Variants in ASNS observed in about 807,000 individuals in gnomAD.
The protein encoded by ASNS is asparagine synthetase (glutamine-hydrolyzing).
Under a neutral mutation model 62.6 loss-of-function variants are expected in ASNS, and 37 were observed. The observed-to-expected ratio is 0.59, with a 90% CI of 0.45 to 0.78. The LOEUF (loss-of-function observed/expected upper bound fraction) is 0.78. Ranked by LOEUF, ASNS falls within the 30% of genes least tolerant of loss-of-function variation. The pLI is 0.00. For synonymous variants in ASNS, 207 were observed against 237.9 expected, an observed-to-expected ratio of 0.87 and a Z score of 1.19; for missense variants, 520 against 682.4, an observed-to-expected ratio of 0.76 and a Z score of 2.65.
At chr7:97,870,353 TA>T in intron 1 of ASNS, 1 of 360,838 alleles carries the variant, frequency 2.8e-6, no homozygotes, top group African/African-American at 2.1e-5. Context: ...GTGTTTTTTT[TA>T]AAAAAACTGC....
intron 4 of ASNS, among the ~76,000 whole-genome samples, chr7:97,861,022 C>CTTT (rs1258360002): frequency 5.5e-5 from 4 of 73,246 alleles, no homozygotes; most frequent in African/African-American, 1.9e-4. Flanking sequence ...TTCATTTGAT[C>CTTT]CTTTTTTTTT....
chr7:97,904,512 C>A, the ASNS span, among the ~76,000 whole-genome samples: 1 of 151,980 alleles, frequency 6.6e-6, no homozygotes, highest in Non-Finnish European at 1.5e-5. Flanking sequence ...GGTTGCAATA[C>A]CTCGAGTATC....
the ASNS span, among the ~76,000 whole-genome samples, chr7:97,886,921 T>C: frequency 6.6e-6 from 1 of 152,208 alleles, no homozygotes; most frequent in Non-Finnish European, 1.5e-5. Context: ...AAAACAGCTC[T>C]AACAACTGAG....
chr7:97,899,897 C>T, the ASNS span, among the ~76,000 whole-genome samples: 1 of 152,124 alleles, frequency 6.6e-6, no homozygotes, highest in Non-Finnish European at 1.5e-5. Flanking sequence ...TTTGTGTGGA[C>T]CTGTGCTTTC....
intron 9 of ASNS, 109 bp from the exon 10 acceptor site, chr7:97,854,789 T>G: frequency 6.4e-7 from 1 of 1,555,710 alleles, no homozygotes; most frequent in Non-Finnish European, 8.7e-7. Flanking sequence ...TAAACAAATT[T>G]AGGGAAGGGA....
At chr7:97,889,838 A>G in the ASNS span, among the ~76,000 whole-genome samples, 1 of 151,456 alleles carries the variant, frequency 6.6e-6, no homozygotes, top group African/African-American at 2.4e-5. Context: ...GATCCAATGA[A>G]AAGAAAATCT....
intron 3 of ASNS, among the ~76,000 whole-genome samples, chr7:97,866,167 G>T (rs1291200842): frequency 6.6e-6 from 1 of 152,176 alleles, no homozygotes; most frequent in Non-Finnish European, 1.5e-5. Context: ...GATAGTATTG[G>T]CTAAGAAGTT....
At chr7:97,926,315 T>C in the ASNS span, among the ~76,000 whole-genome samples, 1 of 152,090 alleles carries the variant, frequency 6.6e-6, no homozygotes, top group Non-Finnish European at 1.5e-5. Flanking sequence ...CCATGCTGCT[T>C]CTTGCAGAGA....
the ASNS span, among the ~76,000 whole-genome samples, chr7:97,899,710 T>G: frequency 1.3e-5 from 2 of 152,238 alleles, no homozygotes; most frequent in African/African-American, 4.8e-5. Context: ...TTCATCTGTT[T>G]TGAAGGTTCA....
chr7:97,872,125 A>G (rs1228474507), intron 1 of ASNS: 3 of 152,260 alleles, frequency 2.0e-5, no homozygotes, highest in African/African-American at 7.2e-5. Flanking sequence ...GGGAACCAGG[A>G]CAGAAAGGTC....
rs1196312298 is a variant in ASNS, at chr7:97,864,470, G to A, written c.276C>T (p.Tyr92=). The A allele has an allele frequency of 2.9e-5, 46 of 1,613,646 alleles. No homozygotes were observed. Among genetic ancestry groups the A allele is most frequent in the Non-Finnish European group, 3.8e-5 (45 of 1,179,812 alleles). ...KKMQQHFEFE[Y]QTKVDGEIIL... ...TTATCTCACCATCCACTTTGGTCTGGTATTCAAATTCAAAATGCTGTTGCA... is the reference window on the plus strand; with the variant it reads ...TTATCTCACCATCCACTTTGGTCTGATATTCAAATTCAAAATGCTGTTGCA... The change falls in exon 4 of 13, where the codon TAC becomes TAT. Residue 92 remains tyrosine, a synonymous_variant. Coordinates refer to ENST00000394308, the MANE Select transcript of ASNS (RefSeq NM_001673.5).
the ASNS span, chr7:97,908,374 AATGG>A: frequency 6.6e-6 from 1 of 152,122 alleles, no homozygotes; most frequent in African/African-American, 2.4e-5. Flanking sequence ...ACAAGACCAC[AATGG>A]ATGTCATCTT....
chr7:97,888,838 A>G, the ASNS span, among the ~76,000 whole-genome samples: 6 of 152,336 alleles, frequency 3.9e-5, no homozygotes, highest in East Asian at 1.2e-3. Flanking sequence ...TGAATGTACC[A>G]TCTGGGGGCC....
the ASNS span, among the ~76,000 whole-genome samples, chr7:97,893,401 G>A: frequency 6.6e-6 from 1 of 152,224 alleles, no homozygotes; most frequent in African/African-American, 2.4e-5. Flanking sequence ...TAATAACTTC[G>A]AATATGGGTT....
At chr7:97,914,225 C>T in the ASNS span, among the ~76,000 whole-genome samples, 4 of 151,562 alleles carry the variant, frequency 2.6e-5, no homozygotes, top group Admixed American at 1.3e-4. Flanking sequence ...GATAGATGGA[C>T]GGACAGATGA....
At chr7:97,853,252 A>G in intron 11 of ASNS, 37 bp from the exon 12 acceptor site, 6 of 1,608,226 alleles carry the variant, frequency 3.7e-6, no homozygotes, top group Non-Finnish European at 5.1e-6. Context: ...GGTAAAAATT[A>G]CAAATATAAT....
the ASNS span, chr7:97,886,187 G>A: frequency 8.3e-5 from 22 of 265,544 alleles, 1 homozygote; most frequent in African/African-American, 1.6e-4. Flanking sequence ...TTCCTCTGTC[G>A]CCCAGGCTGG....
the ASNS span, among the ~76,000 whole-genome samples, chr7:97,927,650 T>C: frequency 6.6e-6 from 1 of 152,274 alleles, no homozygotes; most frequent in African/African-American, 2.4e-5. Flanking sequence ...TAAAGTTTCC[T>C]GATGTTACAC....
At chr7:97,899,527 G>T in the ASNS span, among the ~76,000 whole-genome samples, 1 of 152,162 alleles carries the variant, frequency 6.6e-6, no homozygotes, top group African/African-American at 2.4e-5. Flanking sequence ...ATTCAGAGAT[G>T]TACACAAACA....
Sources: allele counts gnomAD v4.1 joint callset (sites outside exome capture counted in the v4.1 genomes callset), GRCh38; gene constraint gnomAD v4.1.1; transcripts MANE v1.5; gene names NCBI Gene and HGNC (gene_info 2026-07-23, HGNC 2026-07-21).